MYOM2: variants seen among roughly 807,000 people sequenced by gnomAD.
MYOM2 encodes the protein myomesin 2, also known as myomesin-2.
In MYOM2, 254 loss-of-function variants were observed where a neutral mutation model predicts 187.6. That is an observed-to-expected ratio of 1.35 (90% CI 1.22 to 1.50). The LOEUF is 1.50. MYOM2 is among the 40% of genes most tolerant of loss of function. The probability of loss-of-function intolerance (pLI) is 0.00; values close to 1 mark genes in which losing one functional copy is unlikely to be tolerated. For synonymous variants in MYOM2, 981 were observed against 753.8 expected (o/e 1.30, Z -4.94); for missense variants, 2,796 against 1,924.0 (o/e 1.45, Z -8.48).
intron 8 of MYOM2, among the ~76,000 whole-genome samples, chr8:2,071,405 C>A (rs1216129717): frequency 1.3e-5 from 2 of 152,086 alleles, no homozygotes; most frequent in Non-Finnish European, 2.9e-5. Context: ...TGTACTTCTC[C>A]CCCTACCACA....
chr8:2,112,533 T>C (rs2116824017), intron 25 of MYOM2, among the ~76,000 whole-genome samples: 1 of 152,198 alleles, frequency 6.6e-6, no homozygotes, highest in Admixed American at 6.5e-5. Flanking sequence ...GCTGTTTGCC[T>C]GAGTGATCTT....
intron 5 of MYOM2, among the ~76,000 whole-genome samples, chr8:2,058,588 T>C (rs1818751310): frequency 6.6e-6 from 1 of 152,220 alleles, no homozygotes; most frequent in Admixed American, 6.5e-5. Context: ...TATATCTATG[T>C]GCATTTATAT....
intron 9 of MYOM2, 37 bp from the exon 10 acceptor site, chr8:2,073,302 T>C: frequency 6.3e-7 from 1 of 1,579,014 alleles, no homozygotes; most frequent in African/African-American, 1.4e-5. Flanking sequence ...GCTGGGGTGA[T>C]TTTGGATGCA....
chr8:2,115,351 A>T (rs1009199481), intron 25 of MYOM2, among the ~76,000 whole-genome samples: 3 of 152,252 alleles, frequency 2.0e-5, no homozygotes, highest in Non-Finnish European at 2.9e-5. Flanking sequence ...TTTGACTTGT[A>T]GGATTACCTA....
intron 15 of MYOM2, among the ~76,000 whole-genome samples, chr8:2,090,610 TCTCCCTC>T (rs1796266406): frequency 6.6e-6 from 1 of 152,200 alleles, no homozygotes; most frequent in Non-Finnish European, 1.5e-5. Context: ...TGCCTGCTCC[TCTCCCTC>T]CTCCCACCCT....
In MYOM2 at chr8:2,098,971, A is replaced by G; in HGVS notation, c.2428A>G (p.Met810Val). Residue 810 changes from methionine to valine, a missense_variant, in exon 19 of 37, where the codon ATG becomes GTG. Transcript: ENST00000262113. ...GCACTTCAAGTGTGAGGCCTGGACC[A>G]TGCCGGAGCCCGGTGAGTCGCTGCC... ...SEHFKCEAWT[M>V]PEPGPAYDLT... The G allele has an allele frequency of 1.2e-6, 2 of 1,607,716 alleles. No homozygotes were observed. The highest frequency in any genetic ancestry group is 1.7e-5 in the Admixed American group (1 of 59,736).
intron 3 of MYOM2, among the ~76,000 whole-genome samples, chr8:2,054,217 G>A (rs947864368): frequency 6.6e-6 from 1 of 152,222 alleles, no homozygotes; most frequent in Non-Finnish European, 1.5e-5. Context: ...GCTCACTGAT[G>A]TGAGTTACTG....
At chr8:2,130,710 C>T (rs752700853) in intron 32 of MYOM2, among the ~76,000 whole-genome samples, 2 of 152,154 alleles carry the variant, frequency 1.3e-5, no homozygotes, top group Non-Finnish European at 2.9e-5. Context: ...CAAATGGAGT[C>T]ACTGTAGATC....
chr8:2,090,708 G>C (rs897264933), intron 15 of MYOM2, among the ~76,000 whole-genome samples: 4 of 152,160 alleles, frequency 2.6e-5, no homozygotes, highest in Admixed American at 2.6e-4. Flanking sequence ...TTATGAGTGA[G>C]AACATTTGGT....
intron 26 of MYOM2, 21 bp downstream of exon 26, chr8:2,116,125 C>CCG: frequency 6.5e-7 from 1 of 1,529,602 alleles, no homozygotes; most frequent in Non-Finnish European, 8.7e-7. Flanking sequence ...TCGAATATTT[C>CCG]CACGTCCATA....
At chr8:2,125,188 C>A (rs758979209) in intron 31 of MYOM2, among the ~76,000 whole-genome samples, 6 of 152,224 alleles carry the variant, frequency 3.9e-5, no homozygotes, top group Admixed American at 1.3e-4. Context: ...GCATCTCCCC[C>A]ACGAGCTTCC....
rs3779846 is a variant in MYOM2 at position 2,095,350 on chromosome 8, C to T, written c.2126-897C>T. Among the ~76,000 whole-genome samples, 151 of 148,296 alleles carry T rather than the reference C, an allele frequency of 1.0e-3. 1 individual carries two copies. The East Asian group carries it at 0.024, about 23-fold the overall frequency. ...TCTGTTGCTCAGGCTGGGGTGCAGT[C>T]GTGTGATCACAGCTCCCTGCAGCCT... On this transcript the variant is annotated intron_variant, in intron 17 of 36. Coordinates refer to ENST00000262113, the MANE Select transcript of MYOM2 (RefSeq NM_003970.4).
chr8:2,090,202 A>T lies in MYOM2; in HGVS notation c.1828+11A>T. 1 of 1,608,826 alleles carries T rather than the reference A, an allele frequency of 6.2e-7. No homozygotes were observed. Among genetic ancestry groups the T allele is most frequent in the South Asian group, 1.1e-5 (1 of 90,796 alleles). On this transcript the variant is annotated intron_variant, in intron 15 of 36. Coordinates refer to ENST00000262113, the MANE Select transcript of MYOM2 (RefSeq NM_003970.4). ...CCCAGGATGTGACCGGTGAGCTGTC[A>T]CACTGGGTGGCCCCAAGTCAGGATG...
Position 2,056,373 on chromosome 8 carries a change from G to A in MYOM2, c.264-975G>A, listed in dbSNP as rs1386565351. On this transcript the variant is annotated intron_variant, in intron 3 of 36. Coordinates refer to ENST00000262113, the MANE Select transcript of MYOM2 (RefSeq NM_003970.4). ...AATTTCAGTGGGACCTTGGGAACGC[G>A]ATGGTGAGGGAGGTTGATGAGGCTG... Among the ~76,000 whole-genome samples, 2 of 152,142 alleles carry A rather than the reference G, an allele frequency of 1.3e-5. 1 individual carries two copies. Among genetic ancestry groups the A allele is most frequent in the South Asian group, 4.2e-4 (2 of 4,814 alleles).
chr8:2,087,396 A>G (rs918246686), intron 14 of MYOM2, among the ~76,000 whole-genome samples: 2 of 152,148 alleles, frequency 1.3e-5, no homozygotes, highest in South Asian at 2.1e-4. Flanking sequence ...TTCTCTGGTT[A>G]TTTGCAATGT....
chr8:2,129,016 G>T, intron 31 of MYOM2, 111 bp from the exon 32 acceptor site: 2 of 677,602 alleles, frequency 3.0e-6, no homozygotes, highest in Non-Finnish European at 5.2e-6. Context: ...AGAGACACAA[G>T]TGAGAACAGG....
At chr8:2,143,777 G>T (rs1798361213) in intron 36 of MYOM2, among the ~76,000 whole-genome samples, 1 of 152,204 alleles carries the variant, frequency 6.6e-6, no homozygotes, top group African/African-American at 2.4e-5. Context: ...TCACCCAGAG[G>T]AGCAACTGCA....
At chr8:2,085,128 G>GGTTT in intron 13 of MYOM2, 135 bp from the exon 14 acceptor site, 1 of 1,034,334 alleles carries the variant, frequency 9.7e-7, no homozygotes, top group Non-Finnish European at 1.4e-6. Context: ...GCATCTTTGG[G>GGTTT]GTTTGTTTGA....
chr8:2,097,981 TCCCTG>T (rs1796553174), intron 18 of MYOM2: 2 of 54,906 alleles, frequency 3.6e-5, no homozygotes, highest in Non-Finnish European at 8.9e-5. Flanking sequence ...GCCCCTCAGC[TCCCTG>T]TCTTTGTGAG....
Sources: allele counts gnomAD v4.1 joint callset (sites outside exome capture counted in the v4.1 genomes callset), GRCh38; gene constraint gnomAD v4.1.1; transcripts MANE v1.5; gene names NCBI Gene and HGNC (gene_info 2026-07-23, HGNC 2026-07-21).